LYRM4: variants seen among roughly 807,000 people sequenced by gnomAD.
LYRM4 encodes LYR motif containing 4.
LYRM4 carries 9 observed loss-of-function variants against 11.7 expected under a neutral mutation model. That is an observed-to-expected ratio of 0.77 (90% CI 0.46 to 1.34). LYRM4 has a LOEUF of 1.34. Ranked by LOEUF, LYRM4 falls within the 40% of genes most tolerant of loss-of-function variation. The probability of loss-of-function intolerance (pLI) is 0.00; values close to 1 mark genes in which losing one functional copy is unlikely to be tolerated. For synonymous variants in LYRM4, 42 were observed against 40.4 expected (o/e 1.04, Z -0.15); for missense variants, 133 against 112.5 (o/e 1.18, Z -0.82).
the LYRM4 span, among the ~76,000 whole-genome samples, chr6:5,075,490 T>C: frequency 6.6e-6 from 1 of 152,182 alleles, no homozygotes; most frequent in South Asian, 2.1e-4. Context: ...GTGGATATAG[T>C]TGGCATCAAA....
chr6:5,065,869 T>C, the LYRM4 span: 2 of 272,814 alleles, frequency 7.3e-6, no homozygotes, highest in East Asian at 2.1e-4. Flanking sequence ...TTCAAAAAGT[T>C]TTTTGAAGTC....
At chr6:5,235,006 T>C (rs928605408) in intron 1 of LYRM4, among the ~76,000 whole-genome samples, 24 of 152,018 alleles carry the variant, frequency 1.6e-4, no homozygotes, top group African/African-American at 5.6e-4. Context: ...TCTACTGCCT[T>C]GTACCCGGGG....
At chr6:5,047,601 C>T in the LYRM4 span, among the ~76,000 whole-genome samples, 1 of 152,182 alleles carries the variant, frequency 6.6e-6, no homozygotes, top group Non-Finnish European at 1.5e-5. Context: ...ATCCAAGATA[C>T]AGCTGAACAC....
At position 5,156,456 on chromosome 6, in the gene LYRM4, T is replaced by G. The variant is rs544362777; in HGVS notation, c.208-46965A>C. Among the ~76,000 whole-genome samples the G allele has an allele frequency of 1.5e-3, 227 of 152,256 alleles. 1 individual carries two copies. The highest frequency in any genetic ancestry group is 2.3e-3 in the Non-Finnish European group (156 of 68,014). Reference sequence around the variant, plus strand: ...CTCATCACAGCATTCCAGAACACAGTGGCAGCCAATCCACTGGTAGCAGAA... The same window carrying G: ...CTCATCACAGCATTCCAGAACACAGGGGCAGCCAATCCACTGGTAGCAGAA... On this transcript the variant is annotated intron_variant, in intron 2 of 2. Transcript: ENST00000330636.
At chr6:5,132,345 T>C (rs145905581) in intron 2 of LYRM4, among the ~76,000 whole-genome samples, 1 of 152,124 alleles carries the variant, frequency 6.6e-6, no homozygotes, top group Non-Finnish European at 1.5e-5. Flanking sequence ...ATCTGCACAA[T>C]TGGTAAATGA....
At chr6:5,054,009 C>G in the LYRM4 span, 1 of 423,108 alleles carries the variant, frequency 2.4e-6, no homozygotes, top group Admixed American at 6.4e-5. Context: ...TGACTCACCA[C>G]CAGCAGAAAA....
the LYRM4 span, among the ~76,000 whole-genome samples, chr6:5,063,386 G>A: frequency 1.3e-5 from 2 of 151,726 alleles, no homozygotes; most frequent in African/African-American, 4.8e-5. Flanking sequence ...TTAGCCAACC[G>A]CCCATTTCCA....
the LYRM4 span, among the ~76,000 whole-genome samples, chr6:5,096,222 G>C: frequency 6.6e-6 from 1 of 152,194 alleles, no homozygotes. Flanking sequence ...GGGTGCAGTA[G>C]CTCATGCCTG....
chr6:5,093,172 T>C, the LYRM4 span, among the ~76,000 whole-genome samples: 2 of 152,234 alleles, frequency 1.3e-5, no homozygotes, highest in East Asian at 3.8e-4. Context: ...TCCTGAGTTA[T>C]TTTGGATTGT....
At chr6:5,181,346 C>T (rs1478928458) in intron 2 of LYRM4, among the ~76,000 whole-genome samples, 1 of 152,162 alleles carries the variant, frequency 6.6e-6, no homozygotes, top group Non-Finnish European at 1.5e-5. Context: ...CCCTCATTGC[C>T]CTGGGACCAG....
At chr6:5,086,014 C>G in the LYRM4 span, 1 of 1,501,340 alleles carries the variant, frequency 6.7e-7, no homozygotes, top group Non-Finnish European at 8.8e-7. Flanking sequence ...CCTGGAGCAG[C>G]TCGGGGGGCT....
intron 1 of LYRM4, among the ~76,000 whole-genome samples, chr6:5,224,765 G>C (rs904212609): frequency 6.6e-6 from 1 of 152,066 alleles, no homozygotes; most frequent in Non-Finnish European, 1.5e-5. Flanking sequence ...TTTGAGACCA[G>C]CCTGACCAAC....
intron 2 of LYRM4, chr6:5,138,780 AG>A: frequency 7.0e-7 from 1 of 1,429,182 alleles, no homozygotes; most frequent in Non-Finnish European, 9.5e-7. Context: ...TAAGAGTAAC[AG>A]TTAACAGAAA....
the LYRM4 span, chr6:5,088,296 T>C: frequency 6.6e-6 from 1 of 152,232 alleles, no homozygotes; most frequent in African/African-American, 2.4e-5. Context: ...GGTTTCACCA[T>C]GTTGGCCAGG....
downstream of LYRM4, chr6:5,106,727 G>A (rs998498200): frequency 3.3e-5 from 5 of 152,136 alleles, no homozygotes; most frequent in African/African-American, 1.2e-4. Context: ...AGCCTTGCTC[G>A]GCCAATGAGT....
At chr6:5,057,442 C>T in the LYRM4 span, among the ~76,000 whole-genome samples, 20 of 152,094 alleles carry the variant, frequency 1.3e-4, no homozygotes, top group Middle Eastern at 0.021. Flanking sequence ...TCCGGCTGGG[C>T]GTGGTGGCCC....
chr6:5,235,223 A>G (rs1345292988), intron 1 of LYRM4, among the ~76,000 whole-genome samples: 4 of 151,524 alleles, frequency 2.6e-5, no homozygotes, highest in Non-Finnish European at 5.9e-5. Flanking sequence ...GCTCATGGCA[A>G]CCTCCGGCTC....
chr6:5,194,438 C>G (rs1482916442), intron 2 of LYRM4, among the ~76,000 whole-genome samples: 2 of 152,106 alleles, frequency 1.3e-5, no homozygotes, highest in Admixed American at 1.3e-4. Context: ...GTTCCTAAGT[C>G]TGTAATTTCT....
chr6:5,155,949 G>A (rs1758387503), intron 2 of LYRM4, among the ~76,000 whole-genome samples: 2 of 152,218 alleles, frequency 1.3e-5, no homozygotes, highest in African/African-American at 4.8e-5. Flanking sequence ...CTTGAGATAT[G>A]TTTGGAGGCA....
Sources: allele counts gnomAD v4.1 joint callset (sites outside exome capture counted in the v4.1 genomes callset), GRCh38; gene constraint gnomAD v4.1.1; transcripts MANE v1.5; gene names NCBI Gene and HGNC (gene_info 2026-07-23, HGNC 2026-07-21).